Variants in ATF2 observed in about 807,000 individuals in gnomAD.
ATF2 encodes cyclic AMP-dependent transcription factor ATF-2.
A neutral mutation model predicts 60.6 loss-of-function variants in ATF2; 24 were observed. The ratio of observed to expected loss-of-function variants is 0.40; its 90% CI spans 0.29 to 0.56. ATF2 has a LOEUF of 0.56. Among genes scored for constraint, ATF2 ranks in the 20% least tolerant of loss-of-function variants. ATF2 has a pLI of 0.54. For missense variants in ATF2, 433 were observed against 607.7 expected (o/e 0.71, Z 3.02); for synonymous variants, 206 against 215.4 (o/e 0.96, Z 0.38).
chr2:175,158,198 A>C (rs1008601825), intron 1 of ATF2, among the ~76,000 whole-genome samples: 2 of 151,454 alleles, frequency 1.3e-5, no homozygotes, highest in Non-Finnish European at 2.9e-5. Flanking sequence ...GTAGGACTTC[A>C]CTTGCCTCTC....
chr2:175,124,098 T>A (rs1697155072), intron 4 of ATF2, among the ~76,000 whole-genome samples: 1 of 140,760 alleles, frequency 7.1e-6, no homozygotes, highest in Admixed American at 7.2e-5. Context: ...ATTCCAAGAA[T>A]AAGTTTTGTA....
At chr2:175,126,013 G>T (rs1317690659) in intron 4 of ATF2, among the ~76,000 whole-genome samples, 1 of 151,970 alleles carries the variant, frequency 6.6e-6, no homozygotes. Flanking sequence ...ACACCTCCAA[G>T]AAAGAACTGT....
intron 9 of ATF2, among the ~76,000 whole-genome samples, chr2:175,112,621 G>C (rs978874219): frequency 6.6e-6 from 1 of 152,148 alleles, no homozygotes; most frequent in Non-Finnish European, 1.5e-5. Flanking sequence ...GTCTTACTTT[G>C]TTGCCCAGCC....
In ATF2 at chr2:175,134,668, C is replaced by A. The variant is rs77767607; in HGVS notation, c.32+1744G>T. On this transcript the variant is annotated intron_variant, in intron 3 of 13. Coordinates refer to ENST00000264110, the MANE Select transcript of ATF2 (RefSeq NM_001880.4). ...GTCTTTTATAGAATTTCAACAAGTG[C>A]AGAAGAATAAAATAATTAGAAAATT... 1.6e-3 allele frequency among the ~76,000 whole-genome samples: 236 copies of A among 151,948 alleles called. 5 individuals carry two copies. The East Asian group carries it at 0.043, about 28-fold the overall frequency.
chr2:175,151,832 T>C (rs531725643), intron 1 of ATF2, among the ~76,000 whole-genome samples: 9 of 152,160 alleles, frequency 5.9e-5, no homozygotes, highest in Non-Finnish European at 1.2e-4. Flanking sequence ...ATCCTCAACA[T>C]GTGGCTTCTC....
At chr2:175,089,194 A>T (rs1162191431) in intron 12 of ATF2, among the ~76,000 whole-genome samples, 1 of 151,340 alleles carries the variant, frequency 6.6e-6, no homozygotes, top group African/African-American at 2.4e-5. Flanking sequence ...AAAAAAAAAC[A>T]ATAATTTATA....
chr2:175,143,236 T>A (rs1038436235), intron 2 of ATF2, among the ~76,000 whole-genome samples: 4 of 152,146 alleles, frequency 2.6e-5, no homozygotes, highest in African/African-American at 9.7e-5. Flanking sequence ...CTTGTCAATG[T>A]ATGGTGATAC....
At chr2:175,127,469 A>C (rs1697415911) in intron 4 of ATF2, among the ~76,000 whole-genome samples, 1 of 152,074 alleles carries the variant, frequency 6.6e-6, no homozygotes, top group Non-Finnish European at 1.5e-5. Context: ...AACCACCATC[A>C]TCTCTCACCT....
intron 1 of ATF2, chr2:175,167,770 C>T (rs1700468840): frequency 4.4e-6 from 2 of 459,042 alleles, no homozygotes; most frequent in Non-Finnish European, 9.3e-6. Context: ...TTTTCCTCTG[C>T]CTTAGGAAAG....
rs1463949371 is a variant in ATF2 at position 175,114,018 on chromosome 2, A to C, written c.717T>G (p.Asn239Lys). ...VAIPASITSSNVHVPAAVPLV... is the reference protein window; with the variant it reads ...VAIPASITSSKVHVPAAVPLV... The stretch of plus-strand genomic sequence containing the variant: ...CTGGGACTGCAGCTGGAACATGCAC[A>C]TTAGAACTTGTAATTGATGCAGGAA... The change falls in exon 9 of 14, where the codon AAT becomes AAG. Residue 239 changes from asparagine to lysine, a missense_variant. This residue lies in a region of ATF2 where 246 missense variants were observed against 309.3 expected (regional missense o/e 0.80). Transcript: ENST00000264110. 6.2e-7 allele frequency: 1 copy of C among 1,612,028 alleles called. No homozygotes were observed. The highest frequency in any genetic ancestry group is 8.5e-7 in the Non-Finnish European group (1 of 1,179,112).
At chr2:175,078,752 T>C (rs972840581) in intron 13 of ATF2, among the ~76,000 whole-genome samples, 23 of 152,166 alleles carry the variant, frequency 1.5e-4, no homozygotes, top group African/African-American at 5.3e-4. Context: ...TAATGAAGAG[T>C]GTAAATTTTT....
Position 175,074,806 on chromosome 2 carries a change from T to G in ATF2, c.1321A>C (p.Ile441Leu). Residue 441 changes from isoleucine to leucine, a missense_variant, in exon 14 of 14, where the codon ATT becomes CTT. Physicochemically the swap from Ile to Leu is conservative, Grantham distance 5. This residue lies in a region of ATF2 where 114 missense variants were observed against 104.0 expected (regional missense o/e 1.10). Transcript: ENST00000264110. ...TADKDDSSED[I>L]SVPSSPHTEA... ...GTATGTGGACTACTCGGCACTGAAA[T>G]GTCTTCTGAACTATCATCTTTATCA... 1 of 1,613,506 alleles carries G rather than the reference T, an allele frequency of 6.2e-7. No homozygotes were observed. The highest frequency in any genetic ancestry group is 8.5e-7 in the Non-Finnish European group (1 of 1,179,640).
rs148425962 is a variant in ATF2 at position 175,097,871 on chromosome 2, C to T, written c.829-278G>A. On this transcript the variant is annotated intron_variant, in intron 10 of 13. Transcript: ENST00000264110. ...CTGAGCCTCCTCCAAGAACCTACAG[C>T]TGGGTTTGTCTCTCTTAGGTTTTCC... is the stretch of plus-strand genomic sequence containing the variant. Among the ~76,000 whole-genome samples the T allele has an allele frequency of 1.1e-4, 16 of 152,314 alleles. 3 individuals carry two copies. Among genetic ancestry groups the T allele is most frequent in the African/African-American group, 3.8e-4 (16 of 41,566 alleles).
At chr2:175,152,025 G>A (rs752903435) in intron 1 of ATF2, among the ~76,000 whole-genome samples, 5 of 152,038 alleles carry the variant, frequency 3.3e-5, no homozygotes, top group African/African-American at 4.8e-5. Context: ...CATAGCTATC[G>A]GGGGGATAGG....
chr2:175,080,905 C>T, intron 12 of ATF2, 140 bp from the exon 13 acceptor site: 4 of 583,200 alleles, frequency 6.9e-6, no homozygotes, highest in Non-Finnish European at 9.0e-6. Flanking sequence ...TTAAATATGT[C>T]TAATCAGCAC....
At chr2:175,156,429 G>C (rs1185870877) in intron 1 of ATF2, among the ~76,000 whole-genome samples, 1 of 114,390 alleles carries the variant, frequency 8.7e-6, no homozygotes, top group Non-Finnish European at 1.9e-5. Context: ...AAATAAGATA[G>C]ATTCCTGGGT....
chr2:175,160,443 C>G (rs1430230643), intron 1 of ATF2, among the ~76,000 whole-genome samples: 1 of 152,132 alleles, frequency 6.6e-6, no homozygotes, highest in African/African-American at 2.4e-5. Flanking sequence ...ATGATAAGCT[C>G]ACCTCTTTCT....
chr2:175,130,235 G>A (rs768655550), intron 3 of ATF2, 28 bp from the exon 4 acceptor site: 1 of 1,358,522 alleles, frequency 7.4e-7, no homozygotes, highest in African/African-American at 1.5e-5. Context: ...ACACTTTAGA[G>A]TACATATTTT....
At chr2:175,107,936 G>A (rs988433239) in intron 10 of ATF2, among the ~76,000 whole-genome samples, 1 of 151,532 alleles carries the variant, frequency 6.6e-6, no homozygotes, top group South Asian at 2.1e-4. Context: ...CCTCCCAGCC[G>A]CCTGCCTTGG....
Sources: allele counts gnomAD v4.1 joint callset (sites outside exome capture counted in the v4.1 genomes callset), GRCh38; gene constraint gnomAD v4.1.1; regional missense constraint gnomAD v4.1.1; transcripts MANE v1.5; gene names NCBI Gene and HGNC (gene_info 2026-07-23, HGNC 2026-07-21).